The following LMBR1 variants were observed in gnomAD, a reference collection of about 807,000 sequenced individuals.
LMBR1 encodes limb region 1 protein homolog.
In LMBR1, 52 loss-of-function variants were observed where a neutral mutation model predicts 73.9. The observed-to-expected ratio is 0.70, with a 90% CI of 0.56 to 0.89. The LOEUF is 0.89. Ranked by LOEUF, LMBR1 falls within the 40% of genes least tolerant of loss-of-function variation. The pLI is 0.00. For synonymous variants in LMBR1, 215 were observed against 209.4 expected, an observed-to-expected ratio of 1.03 and a Z score of -0.23; for missense variants, 539 against 579.8, an observed-to-expected ratio of 0.93 and a Z score of 0.72.
intron 1 of LMBR1, among the ~76,000 whole-genome samples, chr7:156,880,740 C>A (rs1259541893): frequency 2.0e-5 from 3 of 152,090 alleles, no homozygotes; most frequent in Non-Finnish European, 4.4e-5. Flanking sequence ...GCAACCTCTG[C>A]CTCCTGGGTT....
chr7:156,802,459 T>G (rs1446221208), intron 4 of LMBR1, among the ~76,000 whole-genome samples: 4 of 152,126 alleles, frequency 2.6e-5, no homozygotes, highest in African/African-American at 9.7e-5. Flanking sequence ...TTACAATCCA[T>G]ATAGCTAAAT....
intron 1 of LMBR1, among the ~76,000 whole-genome samples, chr7:156,875,176 G>T (rs1799971295): frequency 6.6e-6 from 1 of 152,124 alleles, no homozygotes; most frequent in South Asian, 2.1e-4. Context: ...CTCAGCAATA[G>T]ACTCAAATAA....
chr7:156,728,054 T>C (rs911585906), intron 11 of LMBR1, 47 bp from the exon 12 acceptor site: 8 of 1,439,148 alleles, frequency 5.6e-6, no homozygotes, highest in Non-Finnish European at 7.8e-6. Context: ...TTTTCACCAA[T>C]ACAAAATATT....
Position 156,893,016 on chromosome 7 carries a change from G to GCCGCCCGCGTCCGCGTGCT in LMBR1, c.-42_-24dup. The GCCGCCCGCGTCCGCGTGCT allele has an allele frequency of 6.7e-7, 1 of 1,495,042 alleles. No homozygotes were observed. The highest frequency in any genetic ancestry group is 8.9e-7 in the Non-Finnish European group (1 of 1,128,684). The allele number at this position is 1,495,042 out of a possible 1,614,324, so 92.6% of individuals were successfully genotyped here. A position where few individuals can be genotyped will look rare whatever the true frequency, so the allele number is the denominator to read the frequency against. The stretch of plus-strand genomic sequence containing the variant: ...CATCCTCCTTCATGCCCGCCGCCGC[G>GCCGCCCGCGTCCGCGTGCT]CCGCCCGCGTCCGCGTGCTCCGCCA... On this transcript the variant is annotated 5_prime_UTR_variant, in exon 1 of 17. It removes the in-frame stop codon of an upstream open reading frame in the 5' UTR. Coordinates refer to ENST00000353442, the MANE Select transcript of LMBR1 (RefSeq NM_022458.4).
intron 5 of LMBR1, among the ~76,000 whole-genome samples, chr7:156,783,020 C>T (rs1472962941): frequency 1.3e-5 from 2 of 152,180 alleles, no homozygotes; most frequent in African/African-American, 2.4e-5. Context: ...TTCAAAATTG[C>T]TCCGGCTATT....
chr7:156,873,022 G>A (rs919372686), intron 1 of LMBR1, among the ~76,000 whole-genome samples: 28 of 152,070 alleles, frequency 1.8e-4, no homozygotes, highest in South Asian at 6.3e-4. Context: ...AAGGTGGCGC[G>A]TTGGCACGTC....
At chr7:156,801,927 T>G in intron 4 of LMBR1, among the ~76,000 whole-genome samples, 1 of 152,198 alleles carries the variant, frequency 6.6e-6, no homozygotes, top group East Asian at 1.9e-4. Flanking sequence ...AAGAAAAACT[T>G]AAGCTATTCC....
Position 156,833,734 on chromosome 7 carries a change from T to G in LMBR1, c.179+19A>C. 6.3e-7 allele frequency: 1 copy of G among 1,580,666 alleles called. No homozygotes were observed. Among genetic ancestry groups the G allele is most frequent in the Non-Finnish European group, 8.6e-7 (1 of 1,159,448 alleles). ...ACTTCAGAATCAGAAACAGAACAAC[T>G]GAACTTTAAAATACATACGAAATCC... On this transcript the variant is annotated intron_variant, in intron 3 of 16. Coordinates refer to ENST00000353442, the MANE Select transcript of LMBR1 (RefSeq NM_022458.4).
At chr7:156,755,297 T>C (rs1258174517) in intron 9 of LMBR1, among the ~76,000 whole-genome samples, 2 of 152,252 alleles carry the variant, frequency 1.3e-5, no homozygotes, top group African/African-American at 4.8e-5. Context: ...AAAGACCTTT[T>C]TTACTTTTCC....
At chr7:156,675,716 C>T, downstream of LMBR1, 1 of 1,613,732 alleles carries the variant, frequency 6.2e-7, no homozygotes, top group Non-Finnish European at 8.5e-7. Context: ...TCAGCCACCG[C>T]ATCCTGTGCT....
chr7:156,859,411 ACT>A (rs1165543727), intron 1 of LMBR1, among the ~76,000 whole-genome samples: 1 of 152,086 alleles, frequency 6.6e-6, no homozygotes, highest in Non-Finnish European at 1.5e-5. Flanking sequence ...AAGAAATAAA[ACT>A]CTCTTTGTTC....
intron 9 of LMBR1, among the ~76,000 whole-genome samples, chr7:156,734,680 A>G (rs975087651): frequency 5.3e-5 from 8 of 152,300 alleles, no homozygotes; most frequent in African/African-American, 1.9e-4. Context: ...TTTCCTAGAA[A>G]ATTTCTTAAC....
At chr7:156,756,267 T>G in intron 9 of LMBR1, 126 bp downstream of exon 9, 1 of 588,594 alleles carries the variant, frequency 1.7e-6, no homozygotes, top group Non-Finnish European at 3.0e-6. Flanking sequence ...TTTATTACTC[T>G]AAAGTGTTCT....
downstream of LMBR1, chr7:156,676,837 T>C: frequency 1.7e-6 from 1 of 582,180 alleles, no homozygotes; most frequent in Non-Finnish European, 3.0e-6. Flanking sequence ...ATTTTAATCT[T>C]TGGTCTCTAA....
At chr7:156,794,102 G>A (rs989462942) in intron 5 of LMBR1, among the ~76,000 whole-genome samples, 2 of 152,114 alleles carry the variant, frequency 1.3e-5, no homozygotes, top group Admixed American at 6.6e-5. Flanking sequence ...GCAGTCGTCC[G>A]GGGCTCCACC....
At chr7:156,890,718 C>CCA (rs1172501107) in intron 1 of LMBR1, among the ~76,000 whole-genome samples, 2 of 152,154 alleles carry the variant, frequency 1.3e-5, no homozygotes, top group African/African-American at 4.8e-5. Context: ...TGAGTAACAA[C>CCA]CACACCTCTG....
chr7:156,843,835 C>CAAAAAAAA (rs11288663), intron 1 of LMBR1, among the ~76,000 whole-genome samples: 1 of 120,918 alleles, frequency 8.3e-6, no homozygotes, highest in Non-Finnish European at 1.7e-5. Context: ...GACCCTGTCT[C>CAAAAAAAA]AAAAAAAAAA....
intron 15 of LMBR1, among the ~76,000 whole-genome samples, chr7:156,696,418 G>T (rs1394153042): frequency 1.3e-5 from 2 of 152,146 alleles, no homozygotes; most frequent in Non-Finnish European, 2.9e-5. Flanking sequence ...TAGACATTTT[G>T]CCAAAGAAAA....
At chr7:156,826,151 T>C (rs1332661838) in intron 4 of LMBR1, among the ~76,000 whole-genome samples, 2 of 152,192 alleles carry the variant, frequency 1.3e-5, no homozygotes, top group South Asian at 2.1e-4. Flanking sequence ...GGCTAATTTT[T>C]ATATTTTTAG....
Sources: gnomAD v4.1 joint callset for allele counts (sites outside exome capture counted in the v4.1 genomes callset) on GRCh38, gnomAD v4.1.1 for gene constraint, MANE v1.5 for transcripts, NCBI Gene and HGNC (gene_info 2026-07-23, HGNC 2026-07-21) for gene names.